The following DYM variants were observed in gnomAD, a reference collection of about 807,000 sequenced individuals.
DYM encodes the protein dyggve-Melchior-Clausen syndrome protein.
A neutral mutation model predicts 93.1 loss-of-function variants in DYM; 78 were observed. The observed-to-expected ratio is 0.84, with a 90% CI of 0.70 to 1.01. The LOEUF (loss-of-function observed/expected upper bound fraction) is 1.01. Among genes scored for constraint, DYM ranks in the 50% least tolerant of loss-of-function variants. The pLI, the probability that DYM is intolerant of heterozygous loss-of-function variation, is 0.00. For synonymous variants in DYM, 321 were observed against 319.7 expected (o/e 1.00, Z -0.04); for missense variants, 789 against 845.0 (o/e 0.93, Z 0.82).
intron 16 of DYM, among the ~76,000 whole-genome samples, chr18:49,108,717 T>C (rs1156879805): frequency 6.6e-6 from 1 of 152,232 alleles, no homozygotes; most frequent in Non-Finnish European, 1.5e-5. Context: ...GTTCTATAAA[T>C]GTGAACTCAT....
intron 15 of DYM, among the ~76,000 whole-genome samples, chr18:49,146,512 T>C (rs548025835): frequency 1.3e-5 from 2 of 152,276 alleles, no homozygotes; most frequent in East Asian, 3.9e-4. Flanking sequence ...GGTTACAAAA[T>C]CAATGTGCAA....
At chr18:49,275,900 T>A (rs756367606) in intron 10 of DYM, among the ~76,000 whole-genome samples, 1 of 152,212 alleles carries the variant, frequency 6.6e-6, no homozygotes, top group Non-Finnish European at 1.5e-5. Flanking sequence ...TTTTGCATAT[T>A]GACTTTTTAT....
At chr18:49,237,945 C>A (rs1338263140) in intron 13 of DYM, among the ~76,000 whole-genome samples, 1 of 150,054 alleles carries the variant, frequency 6.7e-6, no homozygotes, top group African/African-American at 2.5e-5. Context: ...ATCAATGTAC[C>A]ATATTTAAGT....
intron 14 of DYM, among the ~76,000 whole-genome samples, chr18:49,170,780 C>CAAAA (rs34297501): frequency 1.6e-4 from 5 of 31,238 alleles, no homozygotes; most frequent in East Asian, 1.5e-3. Flanking sequence ...GACTCCGTCT[C>CAAAA]AAAAAAAAAA....
At chr18:49,291,598 G>A (rs1385954584) in intron 8 of DYM, among the ~76,000 whole-genome samples, 2 of 152,268 alleles carry the variant, frequency 1.3e-5, no homozygotes, top group African/African-American at 2.4e-5. Flanking sequence ...AAGCAAACTC[G>A]AGGATCAGCA....
Position 49,286,057 on chromosome 18 carries a change from TG to T in DYM, c.946+376del, listed in dbSNP as rs199823640. 1.8e-3 allele frequency among the ~76,000 whole-genome samples: 267 copies of T among 152,146 alleles called. 1 individual carries two copies. The East Asian group carries it at 0.025, about 14-fold the overall frequency. The stretch of plus-strand genomic sequence containing the variant: ...GATTTGTGTTCTAATCTTTTTTTTT[TG>T]TTTTTGAGACCTAATTTTTAGTTCT... On this transcript the variant is annotated intron_variant, in intron 9 of 17. Transcript: ENST00000675505.
chr18:49,209,534 C>T lies in DYM; in HGVS notation c.1625+17G>A. 2 of 1,286,022 alleles carry T rather than the reference C, an allele frequency of 1.6e-6. No individual in the cohort carries two copies. Among genetic ancestry groups the T allele is most frequent in the Non-Finnish European group, 2.0e-6 (2 of 986,714 alleles). The allele number at this position is 1,286,022 out of a possible 1,614,324, so 79.7% of individuals were successfully genotyped here. A position where few individuals can be genotyped will look rare whatever the true frequency, so the allele number is the denominator to read the frequency against. On this transcript the variant is annotated intron_variant, in intron 14 of 17. Coordinates refer to ENST00000675505, the MANE Select transcript of DYM (RefSeq NM_001353214.3). Reference sequence around the variant, plus strand: ...CAACATGCAGCATGCAGTAAATGGACAGCAGAGGTTAATAACCTGGAAGCA... The same window carrying T: ...CAACATGCAGCATGCAGTAAATGGATAGCAGAGGTTAATAACCTGGAAGCA...
rs116719289 is a variant in DYM at position 49,175,543 on chromosome 18, C to T, written c.1626-11756G>A. ...ATTATTTTAGGTTTATAATAACTAG[C>T]TTAAAATTCATTTCCATCCAGGACA... On this transcript the variant is annotated intron_variant, in intron 14 of 17. Coordinates refer to ENST00000675505, the MANE Select transcript of DYM (RefSeq NM_001353214.3). Among the ~76,000 whole-genome samples the T allele has an allele frequency of 2.7e-3, 413 of 152,270 alleles. 3 individuals carry two copies. The highest frequency in any genetic ancestry group is 9.1e-3 in the African/African-American group (380 of 41,564).
intron 2 of DYM, among the ~76,000 whole-genome samples, chr18:49,416,279 C>T (rs544554792): frequency 6.6e-6 from 1 of 152,308 alleles, no homozygotes; most frequent in South Asian, 2.1e-4. Flanking sequence ...AAAGCAACAA[C>T]AGGTTCAGTG....
intron 17 of DYM, among the ~76,000 whole-genome samples, chr18:49,046,377 C>G (rs958362147): frequency 6.9e-6 from 1 of 144,884 alleles, no homozygotes; most frequent in Non-Finnish European, 1.5e-5. Context: ...CACAGACATG[C>G]ACACACACAC....
At chr18:49,072,915 C>T (rs986315401) in intron 17 of DYM, among the ~76,000 whole-genome samples, 2 of 152,190 alleles carry the variant, frequency 1.3e-5, no homozygotes, top group Non-Finnish European at 2.9e-5. Flanking sequence ...ACCTGCAGGG[C>T]TGGAAACATA....
chr18:49,423,544 C>A (rs555320616), intron 2 of DYM, among the ~76,000 whole-genome samples: 2 of 152,000 alleles, frequency 1.3e-5, no homozygotes, highest in Non-Finnish European at 2.9e-5. Flanking sequence ...TAACTAAGAT[C>A]GGAGCAGAAC....
chr18:49,419,377 AT>A (rs1568412016), intron 2 of DYM, among the ~76,000 whole-genome samples: 1 of 151,954 alleles, frequency 6.6e-6, no homozygotes, highest in Non-Finnish European at 1.5e-5. Flanking sequence ...AAAAAATAAA[AT>A]AAAATAAAAT....
chr18:49,322,962 T>C (rs2062601895), intron 8 of DYM, among the ~76,000 whole-genome samples: 1 of 152,144 alleles, frequency 6.6e-6, no homozygotes, highest in Non-Finnish European at 1.5e-5. Context: ...AAATAGCAGG[T>C]CTGGCATTCA....
intron 17 of DYM, among the ~76,000 whole-genome samples, chr18:49,085,909 G>T (rs1250462134): frequency 1.3e-5 from 2 of 152,072 alleles, no homozygotes; most frequent in African/African-American, 4.8e-5. Context: ...CTGGCAACTG[G>T]TTCTATTTTT....
chr18:49,445,660 A>C (rs913217498), intron 1 of DYM, among the ~76,000 whole-genome samples: 1 of 152,196 alleles, frequency 6.6e-6, no homozygotes, highest in Admixed American at 6.5e-5. Flanking sequence ...CAAGTCAGGC[A>C]TGGTGGGGAT....
chr18:49,255,900 T>C (rs1388939931), intron 13 of DYM, among the ~76,000 whole-genome samples: 1 of 151,266 alleles, frequency 6.6e-6, no homozygotes, highest in Non-Finnish European at 1.5e-5. Flanking sequence ...CTTTACAGGG[T>C]GAAACCCCAT....
chr18:49,086,879 T>C (rs2078587448), intron 17 of DYM, among the ~76,000 whole-genome samples: 1 of 152,046 alleles, frequency 6.6e-6, no homozygotes, highest in African/African-American at 2.4e-5. Flanking sequence ...TCCCAGCGAC[T>C]CGGGAGACTG....
intron 8 of DYM, among the ~76,000 whole-genome samples, chr18:49,329,007 C>A (rs886845410): frequency 1.2e-4 from 18 of 152,160 alleles, no homozygotes; most frequent in Admixed American, 2.0e-4. Context: ...GGCAACTATT[C>A]ACAATAGCAA....
Sources: gnomAD v4.1 joint callset for allele counts (sites outside exome capture counted in the v4.1 genomes callset) on GRCh38, gnomAD v4.1.1 for gene constraint, MANE v1.5 for transcripts, NCBI Gene and HGNC (gene_info 2026-07-23, HGNC 2026-07-21) for gene names.